The following PPP1R37 variants were observed in gnomAD, a reference collection of about 807,000 sequenced individuals.
PPP1R37 encodes protein phosphatase 1 regulatory subunit 37.
In PPP1R37, 21 loss-of-function variants were observed where a neutral mutation model predicts 61.0. That is an observed-to-expected ratio of 0.34 (90% confidence interval 0.24 to 0.50). The LOEUF (loss-of-function observed/expected upper bound fraction) is 0.50. Ranked by LOEUF, PPP1R37 falls within the 20% of genes least tolerant of loss-of-function variation. The pLI is 0.98. For missense variants in PPP1R37, 910 were observed against 952.7 expected, an observed-to-expected ratio of 0.96 and a Z score of 0.59; for synonymous variants, 443 against 433.5, an observed-to-expected ratio of 1.02 and a Z score of -0.27.
chr19:45,144,583 C>CAGGG, intron 8 of PPP1R37: 1 of 473,110 alleles, frequency 2.1e-6, no homozygotes, highest in Non-Finnish European at 3.7e-6. Flanking sequence ...AGGCCCTGGC[C>CAGGG]AGGGGCCCAG....
At chr19:45,131,562 G>A (rs544052127) in intron 1 of PPP1R37, among the ~76,000 whole-genome samples, 17 of 152,292 alleles carry the variant, frequency 1.1e-4, no homozygotes, top group Admixed American at 6.5e-4. Flanking sequence ...CATCATAGGG[G>A]TGCTGAGCTG....
chr19:45,104,895 G>A (rs74657409), intron 1 of PPP1R37, among the ~76,000 whole-genome samples: 2 of 152,168 alleles, frequency 1.3e-5, no homozygotes, highest in Non-Finnish European at 2.9e-5. Flanking sequence ...CACACAGGTG[G>A]CTCTCACTAA....
intron 1 of PPP1R37, among the ~76,000 whole-genome samples, chr19:45,137,344 C>T (rs1968551653): frequency 1.3e-5 from 2 of 152,234 alleles, no homozygotes; most frequent in Non-Finnish European, 1.5e-5. Context: ...AACTCACGCT[C>T]ATTATGCTCA....
intron 1 of PPP1R37, among the ~76,000 whole-genome samples, chr19:45,129,752 G>A (rs763038395): frequency 7.2e-5 from 11 of 152,100 alleles, no homozygotes; most frequent in Non-Finnish European, 1.3e-4. Context: ...GCCCCCTGCC[G>A]TACCTGTGCC....
intron 1 of PPP1R37, among the ~76,000 whole-genome samples, chr19:45,118,251 G>A (rs923152914): frequency 2.6e-5 from 4 of 152,230 alleles, no homozygotes; most frequent in African/African-American, 9.6e-5. Flanking sequence ...TTAGCAGGGG[G>A]AGAGGGTTCC....
intron 1 of PPP1R37, among the ~76,000 whole-genome samples, chr19:45,106,771 G>C (rs979159879): frequency 1.4e-4 from 19 of 132,760 alleles, no homozygotes; most frequent in African/African-American, 4.8e-4. Context: ...TTGTGCTTTT[G>C]ATTTGCATTT....
In PPP1R37 at chr19:45,126,821, A is replaced by G. The variant is rs565719325; in HGVS notation, c.203-11693A>G. Among the ~76,000 whole-genome samples the G allele has an allele frequency of 5.3e-5, 8 of 152,122 alleles. No homozygotes were observed. In the South Asian group the frequency reaches 1.4e-3, roughly 28 times the overall value. On this transcript the variant is annotated intron_variant, in intron 1 of 12. Transcript: ENST00000221462. ...GTGCATGTAGCAGTGACCAGGTCCTATCGATTATCTGATTATCTGCCGGAA... is the reference window on the plus strand; with the variant it reads ...GTGCATGTAGCAGTGACCAGGTCCTGTCGATTATCTGATTATCTGCCGGAA...
At chr19:45,141,801 C>T (rs894383786) in intron 5 of PPP1R37, among the ~76,000 whole-genome samples, 2 of 152,254 alleles carry the variant, frequency 1.3e-5, no homozygotes, top group African/African-American at 4.8e-5. Context: ...CTCCCAGCCA[C>T]ACAGGAGTTG....
chr19:45,118,801 C>T (rs1968302030), intron 1 of PPP1R37, among the ~76,000 whole-genome samples: 2 of 152,140 alleles, frequency 1.3e-5, no homozygotes, highest in East Asian at 1.9e-4. Context: ...CACCTGCTGG[C>T]CGGGCCCCAG....
chr19:45,144,772 C>G, intron 8 of PPP1R37, 82 bp from the exon 9 acceptor site: 1 of 1,255,184 alleles, frequency 8.0e-7, no homozygotes, highest in East Asian at 2.8e-5. Context: ...TGGCTCTCTT[C>G]CCGGCTTCTT....
chr19:45,099,897 C>T (rs936537426), intron 1 of PPP1R37, among the ~76,000 whole-genome samples: 14 of 152,252 alleles, frequency 9.2e-5, no homozygotes, highest in African/African-American at 3.1e-4. Context: ...AGCACCCATT[C>T]TGACTCCCGG....
At chr19:45,138,902 A>ATTTTTTT (rs1968572009) in intron 2 of PPP1R37, among the ~76,000 whole-genome samples, 1 of 90,720 alleles carries the variant, frequency 1.1e-5, no homozygotes. Flanking sequence ...AAATTTATGT[A>ATTTTTTT]TTCTTTTTTT....
Position 45,145,441 on chromosome 19 carries a change from A to C in PPP1R37, c.1385A>C (p.Glu462Ala). ...AACTTGGTGCTGGCGCGGGAGAGGG[A>C]GGAGAAGGAGCAGCCGCCACAGCTG... ...KRNLVLARER[E>A]EKEQPPQLSA... Residue 462 changes from glutamate (E) to alanine (A), a missense_variant, in exon 11 of 13, where the codon GAG becomes GCG. Transcript: ENST00000221462. 1 of 1,535,136 alleles carries C rather than the reference A, an allele frequency of 6.5e-7. No individual in the cohort carries two copies. Among genetic ancestry groups the C allele is most frequent in the Non-Finnish European group, 8.7e-7 (1 of 1,146,584 alleles).
rs541801752 is a variant in PPP1R37 at position 45,127,987 on chromosome 19, A to T, written c.203-10527A>T. Among the ~76,000 whole-genome samples, 118 of 152,052 alleles carry T rather than the reference A, an allele frequency of 7.8e-4. 2 individuals carry two copies. Among genetic ancestry groups the T allele is most frequent in the Admixed American group, 3.7e-3 (57 of 15,244 alleles). Reference sequence around the variant, plus strand: ...GAGACTCCATCTCAAAAAAAAAAAAAAAAAAAGATAAATGTTTGAGGTGAT... The same window carrying T: ...GAGACTCCATCTCAAAAAAAAAAAATAAAAAAGATAAATGTTTGAGGTGAT... On this transcript the variant is annotated intron_variant, in intron 1 of 12. Coordinates refer to ENST00000221462, the MANE Select transcript of PPP1R37 (RefSeq NM_019121.2).
Position 45,145,858 on chromosome 19 carries a change from C to T in PPP1R37, c.1802C>T (p.Ser601Leu). The T allele has an allele frequency of 1.3e-6, 2 of 1,527,160 alleles. No homozygotes were observed. Among genetic ancestry groups the T allele is most frequent in the Non-Finnish European group, 1.8e-6 (2 of 1,142,360 alleles). The allele number at this position is 1,527,160 out of a possible 1,614,324, so 94.6% of individuals were successfully genotyped here. A position where few individuals can be genotyped will look rare whatever the true frequency, so the allele number is the denominator to read the frequency against. Residue 601 changes from serine (S) to leucine (L), a missense_variant, in exon 11 of 13, where the codon TCA (serine) becomes TTA (leucine). This residue lies in a region of PPP1R37 where 549 missense variants were observed against 505.1 expected (regional missense o/e 1.09). Transcript: ENST00000221462. ...SPPPPPSPPA[S>L]PSLPPAGAID... is the part of the protein sequence containing the mutation. Reference sequence around the variant, plus strand: ...CCACCCCCTCCCTCCCCACCCGCCTCACCTTCCCTACCACCAGCCGGGGCC... The same window carrying T: ...CCACCCCCTCCCTCCCCACCCGCCTTACCTTCCCTACCACCAGCCGGGGCC...
intron 1 of PPP1R37, chr19:45,128,428 TGCA>T: frequency 2.0e-6 from 1 of 505,290 alleles, no homozygotes; most frequent in Non-Finnish European, 3.5e-6. Flanking sequence ...TTGTGATGCC[TGCA>T]GCTGTGTGTG....
In PPP1R37 at chr19:45,146,159, C is replaced by T. The variant is rs1175286640; in HGVS notation, c.1993+110C>T. On this transcript the variant is annotated intron_variant, in intron 11 of 12. Transcript: ENST00000221462. ...GTTTCCCCCTCTTTAAAATGGTTCT[C>T]GCAGGGGCCAGCAAAGTGGGGCTTA... is the stretch of plus-strand genomic sequence containing the variant. The T allele has an allele frequency of 6.4e-6, 8 of 1,251,784 alleles. No homozygotes were observed. In the East Asian group the frequency reaches 7.7e-5, roughly 12 times the overall value. 77.5% of individuals were successfully genotyped at this position (1,251,784 alleles called of 1,614,324 possible).
chr19:45,113,750 CAGAG>C (rs1217358865), intron 1 of PPP1R37, among the ~76,000 whole-genome samples: 1 of 152,224 alleles, frequency 6.6e-6, no homozygotes, highest in African/African-American at 2.4e-5. Flanking sequence ...TGAGCTCACT[CAGAG>C]AGTTCTCTCC....
chr19:45,142,521 G>T (rs988869696), intron 7 of PPP1R37, 63 bp downstream of exon 7: 2 of 1,467,804 alleles, frequency 1.4e-6, no homozygotes, highest in Non-Finnish European at 9.2e-7. Context: ...CCGGCCCTGC[G>T]CTAGGTGGTG....
Sources: allele counts gnomAD v4.1 joint callset (sites outside exome capture counted in the v4.1 genomes callset), GRCh38; gene constraint gnomAD v4.1.1; regional missense constraint gnomAD v4.1.1; transcripts MANE v1.5; gene names NCBI Gene and HGNC (gene_info 2026-07-23, HGNC 2026-07-21).